Variants in FCHSD2 observed in about 807,000 individuals in gnomAD.
FCHSD2 encodes F-BAR and double SH3 domains protein 2.
Under a neutral mutation model 108.1 loss-of-function variants are expected in FCHSD2, and 38 were observed. The ratio of observed to expected loss-of-function variants is 0.35; its 90% CI spans 0.27 to 0.46. The LOEUF (loss-of-function observed/expected upper bound fraction) is 0.46. Ranked by LOEUF, FCHSD2 falls within the 20% of genes least tolerant of loss-of-function variation. The pLI is 1.00. For missense variants in FCHSD2, 751 were observed against 897.8 expected (o/e 0.84, Z 2.09); for synonymous variants, 279 against 314.7 (o/e 0.89, Z 1.20).
chr11:72,886,665 C>T (rs910430944), intron 12 of FCHSD2, among the ~76,000 whole-genome samples: 2 of 152,202 alleles, frequency 1.3e-5, no homozygotes, highest in African/African-American at 2.4e-5. Flanking sequence ...ACAGGTCCTC[C>T]ATAAACTGGC....
chr11:73,134,340 C>A (rs1024286558), intron 2 of FCHSD2, among the ~76,000 whole-genome samples: 1 of 151,918 alleles, frequency 6.6e-6, no homozygotes, highest in Non-Finnish European at 1.5e-5. Context: ...CATGGTGGTG[C>A]ATGCCTGTGG....
intron 12 of FCHSD2, among the ~76,000 whole-genome samples, chr11:72,883,519 G>A (rs565202395): frequency 6.6e-6 from 1 of 152,024 alleles, no homozygotes; most frequent in Non-Finnish European, 1.5e-5. Context: ...ATATATGAAG[G>A]GCTAAAAACT....
chr11:73,078,875 G>A (rs1448036279), intron 3 of FCHSD2, among the ~76,000 whole-genome samples: 9 of 151,914 alleles, frequency 5.9e-5, no homozygotes, highest in South Asian at 2.1e-4. Flanking sequence ...GCGTCACCTC[G>A]CCTGGCTAAT....
intron 4 of FCHSD2, 99 bp downstream of exon 4, chr11:73,015,710 A>C: frequency 3.2e-6 from 2 of 634,640 alleles, no homozygotes; most frequent in Non-Finnish European, 5.4e-6. Context: ...AGAGGAAAGA[A>C]GTAATTCTTT....
chr11:72,916,968 C>CTTTTTTTTTTTTTTTTT (rs71062793), intron 9 of FCHSD2, among the ~76,000 whole-genome samples: 2 of 118,800 alleles, frequency 1.7e-5, no homozygotes, highest in African/African-American at 6.5e-5. Context: ...GAACTTCATT[C>CTTTTTTTTTTTTTTTTT]TTTTTTTTTT....
At chr11:72,955,766 T>C (rs901777682) in intron 8 of FCHSD2, among the ~76,000 whole-genome samples, 4 of 152,096 alleles carry the variant, frequency 2.6e-5, no homozygotes, top group Admixed American at 1.3e-4. Flanking sequence ...AGACCAAATA[T>C]AGGAACAAAA....
intron 8 of FCHSD2, among the ~76,000 whole-genome samples, chr11:72,967,365 T>C (rs757742819): frequency 4.6e-5 from 7 of 152,050 alleles, no homozygotes; most frequent in Admixed American, 1.3e-4. Flanking sequence ...CAAATGCCCA[T>C]CAACTTTTGA....
intron 10 of FCHSD2, among the ~76,000 whole-genome samples, chr11:72,893,091 C>G (rs976145428): frequency 2.0e-5 from 3 of 152,032 alleles, no homozygotes; most frequent in African/African-American, 7.2e-5. Context: ...CTCTGCCTCT[C>G]GGGTTCAAGA....
intron 13 of FCHSD2, among the ~76,000 whole-genome samples, chr11:72,856,784 C>T (rs1253565682): frequency 6.6e-6 from 1 of 152,164 alleles, no homozygotes; most frequent in African/African-American, 2.4e-5. Flanking sequence ...GAATCACAGA[C>T]TTATGATTCT....
At position 72,886,546 on chromosome 11, in the gene FCHSD2, T is replaced by C. The variant is rs113155918; in HGVS notation, c.1146+924A>G. ...AGTGATTTTTGGCATTCTTTATGCC[T>C]TTCTAACAAGAACCTAATCTTTTAA... On this transcript the variant is annotated intron_variant, in intron 12 of 19. Transcript: ENST00000409418. Among the ~76,000 whole-genome samples the C allele has an allele frequency of 8.2e-3, 1,250 of 152,336 alleles. 5 individuals carry two copies. The highest frequency in any genetic ancestry group is 0.013 in the Non-Finnish European group (882 of 68,024).
At chr11:72,871,885 C>G (rs762012982) in intron 12 of FCHSD2, among the ~76,000 whole-genome samples, 3 of 151,830 alleles carry the variant, frequency 2.0e-5, no homozygotes, top group Non-Finnish European at 4.4e-5. Context: ...AACTGCTGTG[C>G]CCAACAGGTA....
At chr11:72,894,276 A>T (rs1309359360) in intron 10 of FCHSD2, among the ~76,000 whole-genome samples, 1 of 152,212 alleles carries the variant, frequency 6.6e-6, no homozygotes, top group African/African-American at 2.4e-5. Context: ...TGGGCACAGT[A>T]GCTCACACTT....
At chr11:73,061,673 C>T (rs2135488438) in intron 3 of FCHSD2, among the ~76,000 whole-genome samples, 1 of 152,280 alleles carries the variant, frequency 6.6e-6, no homozygotes, top group Admixed American at 6.5e-5. Flanking sequence ...TGGTTTTATG[C>T]TCACAGTATA....
chr11:72,905,763 T>C (rs1353858393), intron 9 of FCHSD2, among the ~76,000 whole-genome samples: 1 of 152,230 alleles, frequency 6.6e-6, no homozygotes, highest in African/African-American at 2.4e-5. Flanking sequence ...GCAAAGGACA[T>C]GAACTCACCC....
intron 14 of FCHSD2, among the ~76,000 whole-genome samples, chr11:72,848,018 T>C (rs1861192927): frequency 6.6e-6 from 1 of 152,176 alleles, no homozygotes. Flanking sequence ...TATAGTTTCT[T>C]TGTTCTCACC....
intron 10 of FCHSD2, among the ~76,000 whole-genome samples, chr11:72,895,867 T>C (rs1297498828): frequency 6.6e-6 from 1 of 152,156 alleles, no homozygotes; most frequent in Non-Finnish European, 1.5e-5. Flanking sequence ...TCCCACAAAT[T>C]CTATCACAGC....
intron 13 of FCHSD2, among the ~76,000 whole-genome samples, chr11:72,860,115 G>A (rs1861531166): frequency 6.6e-6 from 1 of 152,172 alleles, no homozygotes; most frequent in South Asian, 2.1e-4. Flanking sequence ...ATGCTTCTCT[G>A]AGAATCTAAT....
intron 8 of FCHSD2, among the ~76,000 whole-genome samples, chr11:72,949,629 A>G (rs1404138686): frequency 2.6e-5 from 4 of 152,182 alleles, no homozygotes; most frequent in Admixed American, 2.6e-4. Flanking sequence ...CATACAATAT[A>G]TACGCTTTTG....
chr11:73,045,175 C>G (rs532715976), intron 3 of FCHSD2, among the ~76,000 whole-genome samples: 22 of 152,128 alleles, frequency 1.4e-4, no homozygotes, highest in East Asian at 9.7e-4. Flanking sequence ...AAATGCTCAT[C>G]ATCACTGGCC....
Sources: allele counts gnomAD v4.1 joint callset (sites outside exome capture counted in the v4.1 genomes callset), GRCh38; gene constraint gnomAD v4.1.1; transcripts MANE v1.5; gene names NCBI Gene and HGNC (gene_info 2026-07-23, HGNC 2026-07-21).